The following DOCK4 variants were observed in gnomAD, a reference collection of about 807,000 sequenced individuals.
DOCK4 encodes dedicator of cytokinesis protein 4.
Under a neutral mutation model 268.1 loss-of-function variants are expected in DOCK4, and 97 were observed. The ratio of observed to expected loss-of-function variants is 0.36; its 90% CI spans 0.31 to 0.43. DOCK4 has a LOEUF of 0.43. DOCK4 is among the 20% of genes least tolerant of loss of function. The probability of loss-of-function intolerance (pLI) is 1.00; values close to 1 mark genes in which losing one functional copy is unlikely to be tolerated. For missense variants in DOCK4, 2,145 were observed against 2,455.7 expected (o/e 0.87, Z 2.67); for synonymous variants, 954 against 887.2 (o/e 1.08, Z -1.34).
rs1676481294 is a variant in DOCK4, at chr7:111,778,300, G to A, written c.3655C>T (p.His1219Tyr). ...CCTGTAAAGTTCTGTGCTTTGAGAT[G>A]CAGATCATAGAGTTTGTGAATGTAG... ...IRYIHKLYDL[H>Y]LKAQNFTEAA... is the part of the protein sequence containing the mutation. Residue 1219 changes from histidine (H) to tyrosine (Y), a missense_variant, in exon 36 of 53, where the codon CAT (histidine) becomes TAT (tyrosine). Physicochemically the swap from His to Tyr is moderately conservative, Grantham distance 83. Around this residue, in one of 2 missense-constraint regions of DOCK4, gnomAD observed 1,598 missense variants for 1,986.7 expected, o/e 0.80. Transcript: ENST00000428084. The A allele has an allele frequency of 1.9e-6, 3 of 1,612,320 alleles. No individual in the cohort carries two copies. The highest frequency in any genetic ancestry group is 1.7e-5 in the Admixed American group (1 of 59,962).
chr7:111,984,366 A>G lies in DOCK4; in HGVS notation c.489T>C (p.Pro163=). 1.2e-6 allele frequency: 2 copies of G among 1,613,382 alleles called. No homozygotes were observed. Among genetic ancestry groups the G allele is most frequent in the Non-Finnish European group, 1.7e-6 (2 of 1,179,640 alleles). Residue 163 remains proline, a synonymous_variant, in exon 7 of 53, where the codon CCT becomes CCC. Coordinates refer to ENST00000428084, the MANE Select transcript of DOCK4 (RefSeq NM_001363540.2). ...GATCCACCATTGCGTACTCTTTCCT[A>G]GGCACCAGGTCCAGTCCCAGTTGTC... is the stretch of plus-strand genomic sequence containing the variant. The part of the protein sequence containing the change: ...GNEQLGLDLV[P]RKEYAMVDPE...
intron 8 of DOCK4, among the ~76,000 whole-genome samples, chr7:111,974,230 T>C (rs758166381): frequency 2.2e-4 from 34 of 152,088 alleles, no homozygotes; most frequent in Non-Finnish European, 4.3e-4. Flanking sequence ...TTACAAGGTT[T>C]TGAACACTTC....
At chr7:112,080,390 C>T (rs1808471552) in intron 1 of DOCK4, among the ~76,000 whole-genome samples, 1 of 152,144 alleles carries the variant, frequency 6.6e-6, no homozygotes, top group Non-Finnish European at 1.5e-5. Context: ...GTTAACAAAA[C>T]TCAAGTAATT....
intron 13 of DOCK4, among the ~76,000 whole-genome samples, chr7:111,905,715 G>A (rs1791513983): frequency 6.6e-6 from 1 of 150,688 alleles, no homozygotes; most frequent in Non-Finnish European, 1.5e-5. Flanking sequence ...GTGTGTGCAC[G>A]TGTATTGCGT....
At chr7:112,010,086 G>A (rs1175118566) in intron 1 of DOCK4, among the ~76,000 whole-genome samples, 1 of 152,170 alleles carries the variant, frequency 6.6e-6, no homozygotes, top group Non-Finnish European at 1.5e-5. Flanking sequence ...CAAAGTGCTG[G>A]GATTACAGGT....
chr7:112,179,513 G>T (rs889287482), intron 1 of DOCK4, among the ~76,000 whole-genome samples: 2 of 141,482 alleles, frequency 1.4e-5, no homozygotes, highest in Non-Finnish European at 3.0e-5. Context: ...AGCACAAAAG[G>T]TGTTGTTTTT....
At chr7:112,077,255 C>T (rs1808152375) in intron 1 of DOCK4, among the ~76,000 whole-genome samples, 1 of 152,026 alleles carries the variant, frequency 6.6e-6, no homozygotes, top group South Asian at 2.1e-4. Context: ...AGGAAAAATG[C>T]TATAAAAGTT....
intron 21 of DOCK4, among the ~76,000 whole-genome samples, chr7:111,868,966 A>G (rs185620734): frequency 6.6e-6 from 1 of 152,340 alleles, no homozygotes; most frequent in East Asian, 1.9e-4. Flanking sequence ...GACACCAAAT[A>G]GGATGGTCCT....
intron 1 of DOCK4, among the ~76,000 whole-genome samples, chr7:112,165,583 C>T: frequency 6.7e-6 from 1 of 148,264 alleles, no homozygotes. Flanking sequence ...TATCCCATTT[C>T]TTTGGACACT....
intron 5 of DOCK4, among the ~76,000 whole-genome samples, chr7:111,993,743 C>A (rs558860444): frequency 6.6e-6 from 1 of 152,088 alleles, no homozygotes; most frequent in Non-Finnish European, 1.5e-5. Flanking sequence ...TTGATACTAG[C>A]TAAGAAGTCT....
At chr7:111,944,958 A>AAGAC (rs10627423) in intron 9 of DOCK4, 87 bp from the exon 10 acceptor site, 90,398 of 1,033,424 alleles carry the variant, frequency 0.087, 6,646 homozygotes, top group East Asian at 0.34. Flanking sequence ...TAAAAGAAGA[A>AAGAC]AGAGATGGAC....
chr7:112,105,662 C>T (rs914097651), intron 1 of DOCK4, among the ~76,000 whole-genome samples: 1 of 149,156 alleles, frequency 6.7e-6, no homozygotes, highest in South Asian at 2.1e-4. Flanking sequence ...CCTCCTTCCT[C>T]GTCATTCCAC....
At chr7:112,131,022 A>G (rs1346008986) in intron 1 of DOCK4, among the ~76,000 whole-genome samples, 1 of 152,240 alleles carries the variant, frequency 6.6e-6, no homozygotes, top group African/African-American at 2.4e-5. Context: ...GCATAGAAAT[A>G]CGGAGGCTGA....
intron 36 of DOCK4, among the ~76,000 whole-genome samples, chr7:111,772,021 A>C (rs1166720094): frequency 1.3e-5 from 2 of 152,224 alleles, no homozygotes. Context: ...ACGGCTGCCC[A>C]CAGGCAGTGA....
At chr7:112,191,513 A>G (rs1819951085) in intron 1 of DOCK4, among the ~76,000 whole-genome samples, 1 of 152,102 alleles carries the variant, frequency 6.6e-6, no homozygotes, top group Non-Finnish European at 1.5e-5. Flanking sequence ...TGCTAGAGTA[A>G]AAAGACAACG....
At chr7:112,082,259 C>T (rs1483924447) in intron 1 of DOCK4, among the ~76,000 whole-genome samples, 1 of 152,092 alleles carries the variant, frequency 6.6e-6, no homozygotes, top group Non-Finnish European at 1.5e-5. Flanking sequence ...CTCAAATACA[C>T]AGTTAACCCT....
intron 41 of DOCK4, among the ~76,000 whole-genome samples, chr7:111,755,986 T>G (rs965008854): frequency 1.3e-5 from 2 of 152,166 alleles, no homozygotes; most frequent in Non-Finnish European, 2.9e-5. Context: ...CCTGTCAACG[T>G]AGAATTAGAA....
chr7:112,160,404 C>T (rs931626282), intron 1 of DOCK4, among the ~76,000 whole-genome samples: 1 of 152,168 alleles, frequency 6.6e-6, no homozygotes, highest in African/African-American at 2.4e-5. Context: ...TATTAAAATG[C>T]CACAGGAATC....
chr7:111,832,271 T>C (rs1186301422), intron 26 of DOCK4, among the ~76,000 whole-genome samples: 1 of 152,174 alleles, frequency 6.6e-6, no homozygotes, highest in East Asian at 1.9e-4. Flanking sequence ...GAAGTTTTCC[T>C]GTTGCCTTGA....
Sources: gnomAD v4.1 joint callset for allele counts (sites outside exome capture counted in the v4.1 genomes callset) on GRCh38, gnomAD v4.1.1 for gene constraint, gnomAD v4.1.1 regional missense constraint, MANE v1.5 for transcripts, NCBI Gene and HGNC (gene_info 2026-07-23, HGNC 2026-07-21) for gene names.